The following CAST variants were observed in gnomAD, a reference collection of about 807,000 sequenced individuals.
CAST encodes the protein MIR583 host.
In CAST, 76 loss-of-function variants were observed where a neutral mutation model predicts 119.6. The ratio of observed to expected loss-of-function variants is 0.64; its 90% CI spans 0.53 to 0.77. The LOEUF is 0.77. Among genes scored for constraint, CAST ranks in the 30% least tolerant of loss-of-function variants. The pLI is 0.00. For missense variants in CAST, 953 were observed against 946.5 expected (o/e 1.01, Z -0.09); for synonymous variants, 319 against 331.6 (o/e 0.96, Z 0.41).
chr5:96,452,640 TAAA>T, the CAST span, among the ~76,000 whole-genome samples: 35 of 90,130 alleles, frequency 3.9e-4, no homozygotes, highest in African/African-American at 9.6e-4. Context: ...TAAAGTATAA[TAAA>T]AAAAAAAAAA....
chr5:96,209,191 G>A, the CAST span, among the ~76,000 whole-genome samples: 4 of 151,416 alleles, frequency 2.6e-5, no homozygotes, highest in African/African-American at 2.4e-5. Flanking sequence ...TTTTCCATCC[G>A]TTTACTTTGA....
chr5:96,091,531 G>A, the CAST span, among the ~76,000 whole-genome samples: 178 of 117,010 alleles, frequency 1.5e-3, no homozygotes, highest in Non-Finnish European at 2.4e-3. Context: ...TTTGAGATAG[G>A]GTCTTACTCT....
the CAST span, chr5:96,434,031 T>C: frequency 1.3e-5 from 2 of 152,228 alleles, no homozygotes; most frequent in Admixed American, 6.5e-5. Flanking sequence ...AGCTGTTGTG[T>C]TGATTCAGGG....
At chr5:96,550,550 G>A (rs2089226021) in intron 1 of CAST, among the ~76,000 whole-genome samples, 2 of 152,146 alleles carry the variant, frequency 1.3e-5, no homozygotes, top group Admixed American at 1.3e-4. Flanking sequence ...GAACAAAACT[G>A]GACAGAGAAT....
the CAST span, among the ~76,000 whole-genome samples, chr5:96,144,672 A>ATT: frequency 1.4e-5 from 2 of 141,208 alleles, no homozygotes; most frequent in Non-Finnish European, 1.5e-5. Flanking sequence ...CCCAGACACC[A>ATT]TTTTTTTTTT....
At chr5:96,760,228 T>C (rs1225595465) in intron 24 of CAST, among the ~76,000 whole-genome samples, 2 of 151,662 alleles carry the variant, frequency 1.3e-5, no homozygotes, top group Admixed American at 6.6e-5. Flanking sequence ...ACAGCATACA[T>C]AGAATATAAC....
At chr5:96,562,131 A>G (rs261996) in intron 1 of CAST, among the ~76,000 whole-genome samples, 51,206 of 151,560 alleles carry the variant, frequency 0.34, 9,302 homozygotes, top group Middle Eastern at 0.46. Flanking sequence ...ATCAAGAGTA[A>G]ACAAGTCCTT....
chr5:96,695,795 G>C (rs748280612), intron 2 of CAST, 41 bp from the exon 3 acceptor site: 1 of 1,335,944 alleles, frequency 7.5e-7, no homozygotes, highest in Non-Finnish European at 1.1e-6. Flanking sequence ...ACATTGGTAA[G>C]GTGTTTTCCC....
At chr5:96,716,234 C>G (rs922930593) in intron 3 of CAST, among the ~76,000 whole-genome samples, 1 of 152,162 alleles carries the variant, frequency 6.6e-6, no homozygotes, top group East Asian at 1.9e-4. Context: ...TGTTTTGTTG[C>G]GGTTGTCTTA....
the CAST span, among the ~76,000 whole-genome samples, chr5:96,029,641 T>C: frequency 1.3e-5 from 2 of 151,936 alleles, no homozygotes; most frequent in African/African-American, 4.8e-5. Context: ...CATCTTACTC[T>C]TTTTTTTCCA....
intron 1 of CAST, among the ~76,000 whole-genome samples, chr5:96,606,468 T>C: frequency 6.6e-6 from 1 of 151,994 alleles, no homozygotes; most frequent in Non-Finnish European, 1.5e-5. Context: ...AGAGCCAGCA[T>C]GAGACACTGG....
In CAST at chr5:96,774,211, G is replaced by GTGTT. The variant is rs1276225917; in HGVS notation, c.*1598_*1601dup. On this transcript the variant is annotated 3_prime_UTR_variant, in exon 32 of 32. Transcript: ENST00000675179. ...CTTGAAACCTTTGACACTGACAGATGTGTTTGCAAGGATACGGCTTCAGTA... is the reference window on the plus strand; with the variant it reads ...CTTGAAACCTTTGACACTGACAGATGTGTTTGTTTGCAAGGATACGGCTTCAGTA... 6.5e-6 allele frequency: 1 copy of GTGTT among 153,988 alleles called. No individual in the cohort carries two copies. The highest frequency in any genetic ancestry group is 1.5e-5 in the Non-Finnish European group (1 of 68,140). 9.5% of individuals were successfully genotyped at this position (153,988 alleles called of 1,614,324 possible). A position where few individuals can be genotyped will look rare whatever the true frequency, so the allele number is the denominator to read the frequency against.
chr5:96,695,960 G>A (rs1464765879), intron 3 of CAST, 53 bp downstream of exon 3: 2 of 1,260,838 alleles, frequency 1.6e-6, no homozygotes, highest in African/African-American at 1.5e-5. Context: ...ACAGGGATAT[G>A]ATTAGTGGGT....
the CAST span, among the ~76,000 whole-genome samples, chr5:96,126,090 T>A: frequency 3.9e-5 from 6 of 152,308 alleles, no homozygotes; most frequent in East Asian, 9.6e-4. Context: ...TTTAGAAGAA[T>A]CAGTACAGAG....
the CAST span, among the ~76,000 whole-genome samples, chr5:96,313,045 A>G: frequency 4.6e-5 from 7 of 152,134 alleles, no homozygotes; most frequent in Non-Finnish European, 1.0e-4. Flanking sequence ...ACCACTGGAT[A>G]TATAGGATAT....
At chr5:96,477,333 G>T in the CAST span, among the ~76,000 whole-genome samples, 1 of 151,776 alleles carries the variant, frequency 6.6e-6, no homozygotes, top group Non-Finnish European at 1.5e-5. Context: ...CACACAGCTG[G>T]GGCATTTCTG....
intron 2 of CAST, among the ~76,000 whole-genome samples, chr5:96,685,156 C>A (rs1174124290): frequency 6.6e-6 from 1 of 151,630 alleles, no homozygotes; most frequent in Non-Finnish European, 1.5e-5. Flanking sequence ...TAGGTCCCAC[C>A]AAATTGTCTC....
chr5:96,618,920 G>A (rs895121890), intron 1 of CAST, among the ~76,000 whole-genome samples: 3 of 152,252 alleles, frequency 2.0e-5, no homozygotes, highest in African/African-American at 7.2e-5. Context: ...AGCCAGCTGG[G>A]CTCCTGAGTC....
the CAST span, among the ~76,000 whole-genome samples, chr5:96,431,584 G>C: frequency 4.6e-5 from 7 of 152,174 alleles, no homozygotes; most frequent in Non-Finnish European, 1.0e-4. Flanking sequence ...GAGGGCAAGG[G>C]CTGGCCAAAA....
Sources: allele counts gnomAD v4.1 joint callset (sites outside exome capture counted in the v4.1 genomes callset), GRCh38; gene constraint gnomAD v4.1.1; transcripts MANE v1.5; gene names NCBI Gene and HGNC (gene_info 2026-07-23, HGNC 2026-07-21).